Variants in DACH2 observed in about 807,000 individuals in gnomAD.
DACH2 encodes dachshund homolog 2.
DACH2 carries 17 observed loss-of-function variants against 35.8 expected under a neutral mutation model. The observed-to-expected ratio is 0.48, with a 90% CI of 0.33 to 0.71. DACH2 has a LOEUF of 0.71. DACH2 is among the 30% of genes least tolerant of loss of function. DACH2 has a pLI of 0.02. For missense variants in DACH2, 469 were observed against 472.7 expected (o/e 0.99, Z 0.07); for synonymous variants, 195 against 177.3 (o/e 1.10, Z -0.79).
At chrX:86,783,313 T>C (rs766651847) in intron 7 of DACH2, among the ~76,000 whole-genome samples, 11 of 112,112 alleles carry the variant, frequency 9.8e-5, no homozygotes, top group Non-Finnish European at 1.7e-4. Context: ...CGTAAACTGT[T>C]GGTGGGAATG....
At chrX:86,194,598 CCTGCT>C (rs1309937044) in intron 1 of DACH2, among the ~76,000 whole-genome samples, 1 of 112,587 alleles carries the variant, frequency 8.9e-6, no homozygotes, top group Non-Finnish European at 1.9e-5. Flanking sequence ...CAAGGAGCAA[CCTGCT>C]CTTGCCATGG....
At chrX:86,757,986 G>C (rs910001525) in intron 7 of DACH2, among the ~76,000 whole-genome samples, 1 of 111,670 alleles carries the variant, frequency 9.0e-6, no homozygotes, top group Non-Finnish European at 1.9e-5. Context: ...ATTCAATTTT[G>C]GTAGGCTGTA....
At chrX:86,303,375 G>T (rs1461473850) in intron 1 of DACH2, among the ~76,000 whole-genome samples, 1 of 110,022 alleles carries the variant, frequency 9.1e-6, no homozygotes, top group Non-Finnish European at 1.9e-5. Flanking sequence ...GTTTCCATTT[G>T]TTATATTGGC....
intron 1 of DACH2, among the ~76,000 whole-genome samples, chrX:86,306,152 T>A (rs2034682699): frequency 8.9e-6 from 1 of 112,348 alleles, no homozygotes; most frequent in African/African-American, 3.2e-5. Context: ...CTCCCGTCTC[T>A]ATTCCAGCAC....
chrX:86,214,521 A>G (rs1253380446), intron 1 of DACH2, among the ~76,000 whole-genome samples: 1 of 112,031 alleles, frequency 8.9e-6, no homozygotes, highest in African/African-American at 3.2e-5. Flanking sequence ...AGAGATCTCT[A>G]CAGTGCGTGC....
At chrX:86,379,743 G>A (rs759766591) in intron 2 of DACH2, among the ~76,000 whole-genome samples, 1 of 111,063 alleles carries the variant, frequency 9.0e-6, no homozygotes, top group African/African-American at 3.2e-5. Context: ...TCTAGTTGCA[G>A]ATTTAACACA....
chrX:86,456,609 A>G (rs1272014924), intron 2 of DACH2, among the ~76,000 whole-genome samples: 1 of 111,712 alleles, frequency 9.0e-6, no homozygotes, highest in Non-Finnish European at 1.9e-5. Flanking sequence ...TATTCATTAG[A>G]TCAAAGTACA....
chrX:86,482,595 C>T (rs958754923), intron 2 of DACH2, among the ~76,000 whole-genome samples: 1 of 108,298 alleles, frequency 9.2e-6, no homozygotes, highest in Non-Finnish European at 1.9e-5. Flanking sequence ...AGTTCTAGAT[C>T]CCTGAGGAAT....
At chrX:86,480,776 CTA>C (rs1036938248) in intron 2 of DACH2, among the ~76,000 whole-genome samples, 6 of 111,961 alleles carry the variant, frequency 5.4e-5, no homozygotes, top group Non-Finnish European at 1.1e-4. Context: ...ACTAATGTTA[CTA>C]TGTTTGTATT....
intron 3 of DACH2, among the ~76,000 whole-genome samples, chrX:86,557,439 C>T (rs2039148951): frequency 9.6e-6 from 1 of 104,102 alleles, no homozygotes; most frequent in Non-Finnish European, 2.0e-5. Flanking sequence ...TTTTTTGGTT[C>T]CATATGAACT....
intron 9 of DACH2, 97 bp downstream of exon 9, chrX:86,813,374 G>A (rs757628101): frequency 3.8e-6 from 3 of 791,608 alleles, no homozygotes; most frequent in South Asian, 3.4e-5. Flanking sequence ...AGGCTGAGGC[G>A]GGAGGATCAC....
chrX:86,528,222 A>G (rs932907369), intron 3 of DACH2, among the ~76,000 whole-genome samples: 3 of 111,778 alleles, frequency 2.7e-5, no homozygotes, highest in Non-Finnish European at 3.8e-5. Flanking sequence ...TCAGTCTAGT[A>G]TATAAAACAA....
chrX:86,398,817 G>A (rs2036356979), intron 2 of DACH2, among the ~76,000 whole-genome samples: 1 of 111,573 alleles, frequency 9.0e-6, no homozygotes, highest in African/African-American at 3.3e-5. Context: ...CAACTATGTG[G>A]TCAATTTTGG....
chrX:86,402,805 A>T (rs886739288), intron 2 of DACH2, among the ~76,000 whole-genome samples: 2 of 112,280 alleles, frequency 1.8e-5, no homozygotes, highest in Non-Finnish European at 3.8e-5. Context: ...ACAGTAACCA[A>T]AAAAAGCAAT....
chrX:86,279,215 A>G (rs2033976933), intron 1 of DACH2, among the ~76,000 whole-genome samples: 1 of 112,007 alleles, frequency 8.9e-6, no homozygotes, highest in Non-Finnish European at 1.9e-5. Flanking sequence ...CTGCCTCCTC[A>G]AGTAGGTCCC....
At chrX:86,612,846 A>T (rs753028992) in intron 3 of DACH2, among the ~76,000 whole-genome samples, 2 of 112,711 alleles carry the variant, frequency 1.8e-5, no homozygotes, top group African/African-American at 3.2e-5. Flanking sequence ...CCTACAGGGA[A>T]GACAATTGTT....
chrX:86,574,492 G>T (rs1429786715), intron 3 of DACH2, among the ~76,000 whole-genome samples: 1 of 111,047 alleles, frequency 9.0e-6, no homozygotes, highest in Non-Finnish European at 1.9e-5. Context: ...AAATGCATGT[G>T]CCTAGGCTTA....
At chrX:86,297,934 A>G (rs781054696) in intron 1 of DACH2, among the ~76,000 whole-genome samples, 11 of 111,869 alleles carry the variant, frequency 9.8e-5, no homozygotes, top group Non-Finnish European at 1.7e-4. Flanking sequence ...TGGGATGTAT[A>G]GTTACTCTAA....
intron 1 of DACH2, among the ~76,000 whole-genome samples, chrX:86,270,182 C>T (rs2033790926): frequency 9.2e-6 from 1 of 108,331 alleles, no homozygotes; most frequent in South Asian, 4.0e-4. Context: ...GTGTTTTGGT[C>T]AGAGTAAAGT....
Sources: gnomAD v4.1 joint callset for allele counts (sites outside exome capture counted in the v4.1 genomes callset) on GRCh38, gnomAD v4.1.1 for gene constraint, MANE v1.5 for transcripts, NCBI Gene and HGNC (gene_info 2026-07-23, HGNC 2026-07-21) for gene names.